UNC5D: variants seen among roughly 807,000 people sequenced by gnomAD.
UNC5D encodes unc-5 netrin receptor D, also known as netrin receptor UNC5D.
Under a neutral mutation model 105.4 loss-of-function variants are expected in UNC5D, and 39 were observed. The ratio of observed to expected loss-of-function variants is 0.37; its 90% CI spans 0.29 to 0.48. The LOEUF (loss-of-function observed/expected upper bound fraction) is 0.48. Ranked by LOEUF, UNC5D falls within the 20% of genes least tolerant of loss-of-function variation. The pLI, the probability that UNC5D is intolerant of heterozygous loss-of-function variation, is 0.98. For synonymous variants in UNC5D, 452 were observed against 450.4 expected, an observed-to-expected ratio of 1.00 and a Z score of -0.04; for missense variants, 991 against 1,202.4, an observed-to-expected ratio of 0.82 and a Z score of 2.60.
At chr8:35,366,178 G>A (rs1802109904) in intron 1 of UNC5D, among the ~76,000 whole-genome samples, 1 of 152,014 alleles carries the variant, frequency 6.6e-6, no homozygotes, top group Non-Finnish European at 1.5e-5. Flanking sequence ...TGAACTAATT[G>A]CATTTTTTTT....
At chr8:35,537,904 C>T (rs1267841467) in intron 1 of UNC5D, among the ~76,000 whole-genome samples, 2 of 151,828 alleles carry the variant, frequency 1.3e-5, no homozygotes, top group Admixed American at 6.6e-5. Context: ...ATTCAACAAA[C>T]ACATGTAGAG....
chr8:35,588,788 C>A (rs976987331), intron 3 of UNC5D, among the ~76,000 whole-genome samples: 8 of 152,130 alleles, frequency 5.3e-5, no homozygotes, highest in Admixed American at 2.6e-4. Context: ...TGACTGTAAT[C>A]CCAGCACTTT....
In UNC5D at chr8:35,553,638, T is replaced by A. The variant is rs375728182; in HGVS notation, c.322+4128T>A. On this transcript the variant is annotated intron_variant, in intron 2 of 16. Transcript: ENST00000404895. ...CACTATCTGCCGCACACTGCAATTA[T>A]GTTTCCTAAGCTCTGTATTAATAGT... Among the ~76,000 whole-genome samples the A allele has an allele frequency of 1.4e-4, 21 of 152,348 alleles. No homozygotes were observed. The East Asian group carries it at 3.3e-3, about 24-fold the overall frequency.
chr8:35,435,351 TTC>T (rs1274476735), intron 1 of UNC5D, among the ~76,000 whole-genome samples: 1 of 152,088 alleles, frequency 6.6e-6, no homozygotes, highest in Non-Finnish European at 1.5e-5. Context: ...TAGCAAAACA[TTC>T]TCTGTCTTCA....
chr8:35,605,307 C>G (rs890281866), intron 4 of UNC5D, among the ~76,000 whole-genome samples: 10 of 152,306 alleles, frequency 6.6e-5, no homozygotes, highest in Non-Finnish European at 1.3e-4. Context: ...ACTGGAGGTC[C>G]ACTCCAGACT....
At chr8:35,363,437 T>C (rs1801953677) in intron 1 of UNC5D, among the ~76,000 whole-genome samples, 1 of 152,072 alleles carries the variant, frequency 6.6e-6, no homozygotes, top group South Asian at 2.1e-4. Flanking sequence ...CCATAACACA[T>C]GGGAATTATG....
intron 1 of UNC5D, among the ~76,000 whole-genome samples, chr8:35,347,148 G>A (rs1231255001): frequency 6.6e-6 from 1 of 152,048 alleles, no homozygotes; most frequent in Non-Finnish European, 1.5e-5. Flanking sequence ...TAATGTGAAT[G>A]TGGTCGACAG....
chr8:35,437,005 A>ATT (rs375175232), intron 1 of UNC5D, among the ~76,000 whole-genome samples: 9 of 148,710 alleles, frequency 6.1e-5, no homozygotes, highest in African/African-American at 2.2e-4. Context: ...ATTTTTAGTC[A>ATT]TTTTTTTTTT....
At chr8:35,774,504 G>A (rs1402367372) in intron 16 of UNC5D, 27 bp downstream of exon 16, 1 of 1,611,924 alleles carries the variant, frequency 6.2e-7, no homozygotes, top group Non-Finnish European at 8.5e-7. Context: ...TCTGGAAGAC[G>A]ATGTTACTAA....
At position 35,785,171 on chromosome 8, in the gene UNC5D, C is replaced by T. The variant is rs117101760; in HGVS notation, c.2658-5188C>T. 8.5e-5 allele frequency among the ~76,000 whole-genome samples: 13 copies of T among 152,100 alleles called. 1 individual carries two copies. The East Asian group carries it at 2.5e-3, about 29-fold the overall frequency. ...CTGAATGGTGTGTGCATTTACCTGCCGGTGCCCAAATGCACCAGCATTATG... is the reference window on the plus strand; with the variant it reads ...CTGAATGGTGTGTGCATTTACCTGCTGGTGCCCAAATGCACCAGCATTATG... On this transcript the variant is annotated intron_variant, in intron 16 of 16. Coordinates refer to ENST00000404895, the MANE Select transcript of UNC5D (RefSeq NM_080872.4).
Position 35,382,858 on chromosome 8 carries a change from G to A in UNC5D, c.103+146971G>A, listed in dbSNP as rs182643718. Among the ~76,000 whole-genome samples, 13 of 152,180 alleles carry A rather than the reference G, an allele frequency of 8.5e-5. No homozygotes were observed. The East Asian group carries it at 2.3e-3, about 27-fold the overall frequency. On this transcript the variant is annotated intron_variant, in intron 1 of 16. Transcript: ENST00000404895. ...TGTATGTTTCACTTTTACATCCTTG[G>A]TCATAATTACTTCTCTAGTTTATGG... is the stretch of plus-strand genomic sequence containing the variant.
chr8:35,538,970 GT>G (rs1394760576), intron 1 of UNC5D, among the ~76,000 whole-genome samples: 1 of 152,042 alleles, frequency 6.6e-6, no homozygotes, highest in Non-Finnish European at 1.5e-5. Context: ...ATAAATTTTG[GT>G]GTAATATAGA....
intron 1 of UNC5D, among the ~76,000 whole-genome samples, chr8:35,423,965 TA>T (rs1396408364): frequency 2.0e-5 from 3 of 151,072 alleles, no homozygotes; most frequent in African/African-American, 7.3e-5. Flanking sequence ...TCTGGCTAAT[TA>T]AAAAAAAAGT....
chr8:35,634,827 C>G (rs1197605452), intron 4 of UNC5D, among the ~76,000 whole-genome samples: 1 of 150,320 alleles, frequency 6.7e-6, no homozygotes, highest in Non-Finnish European at 1.5e-5. Context: ...AGTGCAATGG[C>G]AGGATCTTGG....
chr8:35,597,004 G>A (rs1819529168), intron 4 of UNC5D, among the ~76,000 whole-genome samples: 1 of 152,098 alleles, frequency 6.6e-6, no homozygotes, highest in Non-Finnish European at 1.5e-5. Flanking sequence ...AGTGTTTAGA[G>A]CTATTGTTTA....
At chr8:35,505,132 C>T (rs775901965) in intron 1 of UNC5D, among the ~76,000 whole-genome samples, 3 of 152,120 alleles carry the variant, frequency 2.0e-5, no homozygotes, top group South Asian at 4.1e-4. Context: ...CAAAATCTCA[C>T]GTAATCAAGA....
At chr8:35,313,050 T>C (rs1919340) in intron 1 of UNC5D, among the ~76,000 whole-genome samples, 124,715 of 152,052 alleles carry the variant, frequency 0.82, 51,599 homozygotes, top group East Asian at 1. Flanking sequence ...AAGACCAATC[T>C]GTTGAAATTA....
chr8:35,566,174 G>A (rs1455089082), intron 2 of UNC5D, among the ~76,000 whole-genome samples: 1 of 152,124 alleles, frequency 6.6e-6, no homozygotes, highest in Non-Finnish European at 1.5e-5. Flanking sequence ...TTTCTGTTAC[G>A]TGGGTTCCTC....
chr8:35,586,267 C>CAAGAA (rs1320517077), intron 3 of UNC5D, among the ~76,000 whole-genome samples: 2 of 152,058 alleles, frequency 1.3e-5, no homozygotes, highest in African/African-American at 4.8e-5. Flanking sequence ...AAGTGAGACT[C>CAAGAA]AAGAAAAGAA....
Sources: allele counts gnomAD v4.1 joint callset (sites outside exome capture counted in the v4.1 genomes callset), GRCh38; gene constraint gnomAD v4.1.1; transcripts MANE v1.5; gene names NCBI Gene and HGNC (gene_info 2026-07-23, HGNC 2026-07-21).